Variants in ZFHX3 observed in about 807,000 individuals in gnomAD.
ZFHX3 encodes zinc finger homeobox 3.
A neutral mutation model predicts 279.1 loss-of-function variants in ZFHX3; 42 were observed. The ratio of observed to expected loss-of-function variants is 0.15; its 90% confidence interval spans 0.12 to 0.19. The LOEUF is 0.19. ZFHX3 is among the 10% of genes least tolerant of loss of function. The probability of loss-of-function intolerance (pLI) is 1.00; values close to 1 mark genes in which losing one functional copy is unlikely to be tolerated. For missense variants in ZFHX3, 4,981 were observed against 4,754.0 expected (o/e 1.05, Z -1.40); for synonymous variants, 2,293 against 1,957.8 (o/e 1.17, Z -4.52).
At chr16:73,598,699 C>T (rs1477780294) in intron 2 of ZFHX3, among the ~76,000 whole-genome samples, 1 of 152,112 alleles carries the variant, frequency 6.6e-6, no homozygotes, top group African/African-American at 2.4e-5. Context: ...GGATTACAGG[C>T]ATGAGCCACT....
chr16:73,165,857 T>G (rs553723829), intron 5 of ZFHX3, among the ~76,000 whole-genome samples: 16 of 152,260 alleles, frequency 1.1e-4, no homozygotes, highest in Admixed American at 5.2e-4. Flanking sequence ...ACATGGATAG[T>G]AGAGTTGAAG....
At chr16:73,128,220 T>C (rs899633546) in intron 7 of ZFHX3, among the ~76,000 whole-genome samples, 5 of 152,226 alleles carry the variant, frequency 3.3e-5, no homozygotes, top group African/African-American at 1.2e-4. Context: ...CAGTTGTTAC[T>C]ATTTGGGTGA....
intron 3 of ZFHX3, among the ~76,000 whole-genome samples, chr16:73,342,618 A>G (rs1296164359): frequency 6.6e-6 from 1 of 152,212 alleles, no homozygotes; most frequent in Admixed American, 6.5e-5. Flanking sequence ...GAGGAAATAA[A>G]CTATACAAGT....
intron 3 of ZFHX3, among the ~76,000 whole-genome samples, chr16:73,359,745 C>T (rs1219814381): frequency 6.6e-6 from 1 of 152,156 alleles, no homozygotes; most frequent in Non-Finnish European, 1.5e-5. Context: ...TCACTGAAGC[C>T]CCGAGGCATG....
chr16:73,592,962 T>G (rs1431123404), intron 2 of ZFHX3, among the ~76,000 whole-genome samples: 3 of 151,936 alleles, frequency 2.0e-5, no homozygotes, highest in Non-Finnish European at 4.4e-5. Flanking sequence ...GATGTGCAGA[T>G]GTAAAAAATA....
intron 2 of ZFHX3, among the ~76,000 whole-genome samples, chr16:73,593,158 G>T (rs546337190): frequency 6.6e-6 from 1 of 152,028 alleles, no homozygotes; most frequent in East Asian, 1.9e-4. Flanking sequence ...GAAACTGAAG[G>T]CTTCAATGGC....
At chr16:73,278,548 G>C (rs759608082) in intron 4 of ZFHX3, among the ~76,000 whole-genome samples, 1 of 152,220 alleles carries the variant, frequency 6.6e-6, no homozygotes, top group African/African-American at 2.4e-5. Flanking sequence ...AAAGAACAAA[G>C]CTTCCACACT....
intron 1 of ZFHX3, among the ~76,000 whole-genome samples, chr16:73,750,287 C>G (rs1034734941): frequency 6.6e-6 from 1 of 152,140 alleles, no homozygotes; most frequent in Non-Finnish European, 1.5e-5. Context: ...TGGAAATTGA[C>G]AGAGTTGTGA....
chr16:73,662,465 A>G (rs1221670118), intron 2 of ZFHX3, among the ~76,000 whole-genome samples: 1 of 140,048 alleles, frequency 7.1e-6, no homozygotes, highest in Non-Finnish European at 1.6e-5. Context: ...GATGTCAGAA[A>G]ACACTTTCGA....
At chr16:73,031,714 A>C (rs1298408099) in intron 1 of ZFHX3, among the ~76,000 whole-genome samples, 1 of 152,212 alleles carries the variant, frequency 6.6e-6, no homozygotes, top group African/African-American at 2.4e-5. Flanking sequence ...TGAATGCATG[A>C]ACCAGAACGC....
At chr16:72,860,190 G>A (rs1279106649) in intron 4 of ZFHX3, among the ~76,000 whole-genome samples, 1 of 152,022 alleles carries the variant, frequency 6.6e-6, no homozygotes, top group Non-Finnish European at 1.5e-5. Context: ...TTTAGAGCAG[G>A]GAGGAAAACA....
At chr16:73,570,136 C>G (rs544135105) in intron 2 of ZFHX3, among the ~76,000 whole-genome samples, 87 of 152,260 alleles carry the variant, frequency 5.7e-4, no homozygotes, top group African/African-American at 2.0e-3. Flanking sequence ...GATATCAAAG[C>G]CATCCTTACA....
At chr16:72,913,308 G>A (rs2039364770) in intron 3 of ZFHX3, among the ~76,000 whole-genome samples, 1 of 152,198 alleles carries the variant, frequency 6.6e-6, no homozygotes, top group African/African-American at 2.4e-5. Context: ...TCCAAACCAT[G>A]TCCCTGCATA....
chr16:72,990,520 C>G (rs1963042177), intron 1 of ZFHX3, among the ~76,000 whole-genome samples: 1 of 152,138 alleles, frequency 6.6e-6, no homozygotes, highest in South Asian at 2.1e-4. Context: ...CAGACAGGAA[C>G]TGAGTGCTGA....
intron 3 of ZFHX3, among the ~76,000 whole-genome samples, chr16:73,390,090 G>C (rs2016982002): frequency 6.6e-6 from 1 of 151,954 alleles, no homozygotes; most frequent in South Asian, 2.1e-4. Flanking sequence ...AAAAAATAAA[G>C]CATCAAGTAT....
intron 2 of ZFHX3, among the ~76,000 whole-genome samples, chr16:73,639,240 T>C (rs2052553328): frequency 6.6e-6 from 1 of 152,226 alleles, no homozygotes; most frequent in Admixed American, 6.5e-5. Flanking sequence ...GCTGTGGTCC[T>C]GTCTGAATCT....
intron 1 of ZFHX3, among the ~76,000 whole-genome samples, chr16:72,963,594 C>G (rs987849147): frequency 3.9e-5 from 6 of 152,348 alleles, no homozygotes; most frequent in African/African-American, 1.4e-4. Flanking sequence ...AAGCCCACTG[C>G]ATCTTTGCAA....
chr16:73,634,980 T>A (rs892580634), intron 2 of ZFHX3, among the ~76,000 whole-genome samples: 1 of 152,182 alleles, frequency 6.6e-6, no homozygotes, highest in Non-Finnish European at 1.5e-5. Flanking sequence ...AATAATATAA[T>A]CCATCTGCTT....
chr16:73,076,806 T>C (rs181636860), intron 8 of ZFHX3, among the ~76,000 whole-genome samples: 30 of 152,304 alleles, frequency 2.0e-4, no homozygotes, highest in Admixed American at 1.4e-3. Context: ...TTCAGAAGCA[T>C]GTGAACACAC....
Sources: allele counts gnomAD v4.1 joint callset (sites outside exome capture counted in the v4.1 genomes callset), GRCh38; gene constraint gnomAD v4.1.1; transcripts MANE v1.5; gene names NCBI Gene and HGNC (gene_info 2026-07-23, HGNC 2026-07-21).